The following SEL1L2 variants were observed in gnomAD, a reference collection of about 807,000 sequenced individuals.
The protein encoded by SEL1L2 is protein sel-1 homolog 2.
Under a neutral mutation model 98.8 loss-of-function variants are expected in SEL1L2, and 89 were observed. The ratio of observed to expected loss-of-function variants is 0.90; its 90% confidence interval spans 0.76 to 1.07. The LOEUF is 1.07. Ranked by LOEUF, SEL1L2 falls within the 50% of genes least tolerant of loss-of-function variation. The pLI is 0.00. For synonymous variants in SEL1L2, 262 were observed against 278.5 expected, an observed-to-expected ratio of 0.94 and a Z score of 0.59; for missense variants, 788 against 812.0, an observed-to-expected ratio of 0.97 and a Z score of 0.36.
intron 3 of SEL1L2, among the ~76,000 whole-genome samples, chr20:13,926,320 A>AC (rs2048903288): frequency 6.6e-6 from 1 of 151,756 alleles, no homozygotes; most frequent in Non-Finnish European, 1.5e-5. Flanking sequence ...GTTTCAAACA[A>AC]AAAAAAATTA....
At chr20:13,932,990 C>T (rs547934983) in intron 2 of SEL1L2, among the ~76,000 whole-genome samples, 2 of 151,928 alleles carry the variant, frequency 1.3e-5, no homozygotes, top group African/African-American at 4.8e-5. Flanking sequence ...TCCGGATTGC[C>T]TGAGGTCAGG....
At chr20:13,993,135 T>C (rs1169530088), upstream of SEL1L2, among the ~76,000 whole-genome samples, 1 of 152,184 alleles carries the variant, frequency 6.6e-6, no homozygotes, top group African/African-American at 2.4e-5. Flanking sequence ...GGGGCAACAG[T>C]GGGCATGAAG....
intron 5 of SEL1L2, among the ~76,000 whole-genome samples, chr20:13,900,079 C>T (rs1405951634): frequency 6.6e-6 from 1 of 152,040 alleles, no homozygotes; most frequent in Non-Finnish European, 1.5e-5. Flanking sequence ...TAGAATTTCC[C>T]AGTAAAACCA....
At position 13,981,216 on chromosome 20, in the gene SEL1L2, T is replaced by C. The variant is rs374205891; in HGVS notation, c.58+9261A>G. ...GAGATCGTGCCATTGCACTCCAGCC[T>C]GGGCAACGAGAGCAAAACTCCACAA... On this transcript the variant is annotated intron_variant, in intron 1 of 19. Coordinates refer to ENST00000284951, the MANE Select transcript of SEL1L2 (RefSeq NM_025229.2). Among the ~76,000 whole-genome samples, 69 of 152,052 alleles carry C rather than the reference T, an allele frequency of 4.5e-4. 1 individual carries two copies. Among genetic ancestry groups the C allele is most frequent in the Middle Eastern group, 6.8e-3 (2 of 292 alleles).
At chr20:13,959,194 C>G (rs2050675928) in intron 1 of SEL1L2, among the ~76,000 whole-genome samples, 1 of 152,160 alleles carries the variant, frequency 6.6e-6, no homozygotes, top group Non-Finnish European at 1.5e-5. Flanking sequence ...AATGTGTCCT[C>G]TTTTCTTAAC....
intron 1 of SEL1L2, among the ~76,000 whole-genome samples, chr20:13,986,597 T>C (rs918797977): frequency 1.3e-5 from 2 of 152,244 alleles, no homozygotes; most frequent in Non-Finnish European, 2.9e-5. Context: ...GGCTGAGTAA[T>C]ATTCCATTGT....
intron 3 of SEL1L2, among the ~76,000 whole-genome samples, chr20:13,919,622 T>C (rs2148232647): frequency 6.6e-6 from 1 of 152,248 alleles, no homozygotes; most frequent in South Asian, 2.1e-4. Context: ...AGGGAATTGC[T>C]TTATAAATTT....
At chr20:13,979,292 T>C (rs147443671) in intron 1 of SEL1L2, among the ~76,000 whole-genome samples, 3 of 152,266 alleles carry the variant, frequency 2.0e-5, no homozygotes, top group Non-Finnish European at 1.5e-5. Context: ...AGTTGGTTAA[T>C]TGATACAAAA....
chr20:13,967,446 T>A (rs2051101148), intron 1 of SEL1L2, among the ~76,000 whole-genome samples: 1 of 152,114 alleles, frequency 6.6e-6, no homozygotes, highest in Non-Finnish European at 1.5e-5. Flanking sequence ...AGAAAAAATA[T>A]TTAAAAGGCA....
rs1028464138 is a variant in SEL1L2 at position 13,915,129 on chromosome 20, A to G, written c.387-1185T>C. The G allele has an allele frequency of 4.7e-6, 6 of 1,289,610 alleles. No individual in the cohort carries two copies. In the African/African-American group the frequency reaches 7.6e-5, roughly 16 times the overall value. The allele number at this position is 1,289,610 out of a possible 1,614,324, so 79.9% of individuals were successfully genotyped here. On this transcript the variant is annotated intron_variant, in intron 4 of 19. Transcript: ENST00000284951. ...AGGATCAGGAGACTCACCTTTATGT[A>G]CAGCCCATCCATGCTGAGGCTAAAA... is the stretch of plus-strand genomic sequence containing the variant.
chr20:13,907,472 G>A (rs1283357802), intron 5 of SEL1L2, among the ~76,000 whole-genome samples: 1 of 152,142 alleles, frequency 6.6e-6, no homozygotes, highest in Non-Finnish European at 1.5e-5. Flanking sequence ...GGGAGGCTGA[G>A]GTGGGAGGAT....
At chr20:13,886,539 T>C in intron 8 of SEL1L2, 97 bp from the exon 9 acceptor site, 1 of 1,047,108 alleles carries the variant, frequency 9.6e-7, no homozygotes, top group Non-Finnish European at 1.4e-6. Flanking sequence ...TTATCTTAAA[T>C]TGTGCAGAAA....
At chr20:13,919,231 AT>A in intron 3 of SEL1L2, 108 bp from the exon 4 acceptor site, 1 of 664,860 alleles carries the variant, frequency 1.5e-6, no homozygotes, top group Non-Finnish European at 2.5e-6. Context: ...TGTTCTACTT[AT>A]TTTTTAAACC....
At chr20:13,867,747 T>C (rs539642151) in intron 14 of SEL1L2, among the ~76,000 whole-genome samples, 1 of 152,274 alleles carries the variant, frequency 6.6e-6, no homozygotes, top group South Asian at 2.1e-4. Flanking sequence ...AGACTTAATA[T>C]ACATTAGCCA....
At chr20:13,958,725 A>C (rs2050651744) in intron 1 of SEL1L2, among the ~76,000 whole-genome samples, 1 of 151,840 alleles carries the variant, frequency 6.6e-6, no homozygotes, top group African/African-American at 2.4e-5. Context: ...TCACGAGGTC[A>C]GGAGATCGAG....
intron 5 of SEL1L2, among the ~76,000 whole-genome samples, chr20:13,889,723 G>A (rs751144622): frequency 8.5e-5 from 13 of 152,106 alleles, no homozygotes; most frequent in Admixed American, 2.0e-4. Flanking sequence ...CCCGGGAGGC[G>A]GAGCTTGCAG....
chr20:13,886,223 C>G, intron 9 of SEL1L2, 65 bp downstream of exon 9: 1 of 1,243,114 alleles, frequency 8.0e-7, no homozygotes, highest in Non-Finnish European at 1.1e-6. Flanking sequence ...CTCCAGGACT[C>G]AGAAAGAATT....
intron 12 of SEL1L2, among the ~76,000 whole-genome samples, chr20:13,870,941 A>AG (rs902085357): frequency 4.0e-5 from 6 of 151,550 alleles, no homozygotes; most frequent in Non-Finnish European, 7.4e-5. Context: ...AAAAAAAAAA[A>AG]AAAGAAATAG....
At chr20:13,870,922 CAAAAAAA>C (rs534578783) in intron 12 of SEL1L2, among the ~76,000 whole-genome samples, 6 of 53,192 alleles carry the variant, frequency 1.1e-4, no homozygotes, top group South Asian at 8.5e-4. Context: ...AACTCCATCT[CAAAAAAA>C]AAAAAAAAAA....
Sources: gnomAD v4.1 joint callset for allele counts (sites outside exome capture counted in the v4.1 genomes callset) on GRCh38, gnomAD v4.1.1 for gene constraint, MANE v1.5 for transcripts, NCBI Gene and HGNC (gene_info 2026-07-23, HGNC 2026-07-21) for gene names.